CSMD1: variants seen among roughly 807,000 people sequenced by gnomAD.
CSMD1 encodes CUB and Sushi multiple domains 1, also known as CUB and sushi domain-containing protein 1.
Under a neutral mutation model 417.5 loss-of-function variants are expected in CSMD1, and 213 were observed. The ratio of observed to expected loss-of-function variants is 0.51; its 90% CI spans 0.46 to 0.57. The LOEUF is 0.57. Among genes scored for constraint, CSMD1 ranks in the 20% least tolerant of loss-of-function variants. The pLI is 0.00. For missense variants in CSMD1, 6,923 were observed against 4,529.7 expected, an observed-to-expected ratio of 1.53 and a Z score of -15.17; for synonymous variants, 2,862 against 1,736.8, an observed-to-expected ratio of 1.65 and a Z score of -16.11.
chr8:3,487,753 T>C (rs1818140756), intron 11 of CSMD1, among the ~76,000 whole-genome samples: 1 of 152,124 alleles, frequency 6.6e-6, no homozygotes, highest in Admixed American at 6.5e-5. Flanking sequence ...TTTTTAAGAG[T>C]TCCTGGAAGC....
At chr8:4,193,817 G>A (rs1035238154) in intron 3 of CSMD1, among the ~76,000 whole-genome samples, 29 of 152,034 alleles carry the variant, frequency 1.9e-4, no homozygotes, top group Non-Finnish European at 3.2e-4. Flanking sequence ...AGAAGAGCAG[G>A]AAAACAGAAT....
intron 10 of CSMD1, among the ~76,000 whole-genome samples, chr8:3,545,920 G>A (rs987184147): frequency 2.0e-5 from 3 of 152,180 alleles, no homozygotes; most frequent in African/African-American, 7.2e-5. Context: ...GCATAGTGGG[G>A]AATGCTAGGA....
chr8:3,671,120 G>T (rs1469746473), intron 7 of CSMD1, among the ~76,000 whole-genome samples: 1 of 144,772 alleles, frequency 6.9e-6, no homozygotes, highest in Non-Finnish European at 1.5e-5. Flanking sequence ...TATGTATATG[G>T]GATATATATG....
At chr8:3,098,681 G>A (rs1815511440) in intron 46 of CSMD1, among the ~76,000 whole-genome samples, 1 of 152,122 alleles carries the variant, frequency 6.6e-6, no homozygotes, top group African/African-American at 2.4e-5. Flanking sequence ...CCCATTCAAA[G>A]TTAATGTGAT....
intron 9 of CSMD1, among the ~76,000 whole-genome samples, chr8:3,579,450 T>A (rs1330637730): frequency 1.3e-5 from 2 of 152,226 alleles, no homozygotes; most frequent in Non-Finnish European, 2.9e-5. Context: ...TTCTAATTGA[T>A]TAAATTTAAA....
At chr8:4,672,530 T>C (rs932081788) in intron 1 of CSMD1, among the ~76,000 whole-genome samples, 1 of 152,226 alleles carries the variant, frequency 6.6e-6, no homozygotes, top group Non-Finnish European at 1.5e-5. Flanking sequence ...TGGTGAAATA[T>C]GCACCTATAA....
rs574587267 is a variant in CSMD1 at position 3,314,374 on chromosome 8, G to A, written c.3632-5871C>T. Among the ~76,000 whole-genome samples, 5 of 152,144 alleles carry A rather than the reference G, an allele frequency of 3.3e-5. No homozygotes were observed. In the East Asian group the frequency reaches 9.7e-4, roughly 29 times the overall value. On this transcript the variant is annotated intron_variant, in intron 23 of 69. Coordinates refer to ENST00000635120, the MANE Select transcript of CSMD1 (RefSeq NM_033225.6). ...GAGACTTTTGACTGATCAATTTTAAGCCTGCTGAAGAGTAGTAACTTTAAA... is the reference window on the plus strand; with the variant it reads ...GAGACTTTTGACTGATCAATTTTAAACCTGCTGAAGAGTAGTAACTTTAAA...
chr8:4,149,799 G>A (rs1018431474), intron 3 of CSMD1, among the ~76,000 whole-genome samples: 5 of 152,212 alleles, frequency 3.3e-5, no homozygotes, highest in Admixed American at 6.5e-5. Flanking sequence ...AAGGTCACTT[G>A]AGAATTTCCT....
chr8:4,380,775 A>G (rs1303735819), intron 3 of CSMD1, among the ~76,000 whole-genome samples: 2 of 149,708 alleles, frequency 1.3e-5, no homozygotes, highest in Non-Finnish European at 3.0e-5. Context: ...TGCTGAAACA[A>G]AAAGTATATT....
At chr8:4,435,911 G>A (rs926154920) in intron 2 of CSMD1, among the ~76,000 whole-genome samples, 7 of 152,118 alleles carry the variant, frequency 4.6e-5, no homozygotes, top group East Asian at 1.9e-4. Flanking sequence ...TAGATTTGAC[G>A]GAAAATAATT....
chr8:4,693,502 C>G lies in CSMD1; in HGVS notation c.86-55944G>C, dbSNP rs2116775889. 1.3e-5 allele frequency among the ~76,000 whole-genome samples: 2 copies of G among 152,252 alleles called. 1 individual carries two copies. The highest frequency in any genetic ancestry group is 4.1e-4 in the South Asian group (2 of 4,828). ...TGGGGACATTAGTCCTATACTGTTC[C>G]TCTTTTTTCACTTGAGTCTGCTTCT... On this transcript the variant is annotated intron_variant, in intron 1 of 69. Transcript: ENST00000635120.
At chr8:3,085,604 C>T (rs895066232) in intron 49 of CSMD1, among the ~76,000 whole-genome samples, 13 of 152,184 alleles carry the variant, frequency 8.5e-5, no homozygotes, top group Non-Finnish European at 1.8e-4. Flanking sequence ...GCCTCATTTG[C>T]AGTGTGCACT....
chr8:3,871,354 T>C (rs2129112668), intron 5 of CSMD1, among the ~76,000 whole-genome samples: 1 of 152,278 alleles, frequency 6.6e-6, no homozygotes, highest in South Asian at 2.1e-4. Context: ...ACAACTATTA[T>C]GTCTCTTACT....
chr8:3,920,729 G>C (rs1158259293), intron 5 of CSMD1, among the ~76,000 whole-genome samples: 1 of 106,432 alleles, frequency 9.4e-6, no homozygotes, highest in African/African-American at 3.6e-5. Flanking sequence ...CATCTATTGA[G>C]ATGATCCTAT....
At chr8:4,738,903 T>TTGTGTGTGTGTATGTGTG (rs1810418899) in intron 1 of CSMD1, among the ~76,000 whole-genome samples, 1 of 147,396 alleles carries the variant, frequency 6.8e-6, no homozygotes, top group African/African-American at 2.6e-5. Flanking sequence ...TTCTGTGTGT[T>TTGTGTGTGTGTATGTGTG]TGTGTGTGTG....
intron 1 of CSMD1, among the ~76,000 whole-genome samples, chr8:4,895,023 T>C (rs1357176163): frequency 6.6e-6 from 1 of 152,198 alleles, no homozygotes; most frequent in Non-Finnish European, 1.5e-5. Context: ...TCTCTTGACC[T>C]GAGTTTTTTC....
intron 4 of CSMD1, among the ~76,000 whole-genome samples, chr8:4,020,666 G>C (rs1047634303): frequency 3.3e-5 from 5 of 152,206 alleles, no homozygotes; most frequent in East Asian, 1.9e-4. Flanking sequence ...TTCCAGGACA[G>C]ATAACAAAGC....
intron 5 of CSMD1, among the ~76,000 whole-genome samples, chr8:3,789,517 G>C (rs1170861959): frequency 6.7e-6 from 1 of 148,494 alleles, no homozygotes; most frequent in Non-Finnish European, 1.5e-5. Context: ...CTACCATTCA[G>C]GTTTTTATGC....
intron 5 of CSMD1, among the ~76,000 whole-genome samples, chr8:3,888,379 C>G (rs2954632): frequency 0.94 from 143,181 of 152,284 alleles, 67,465 homozygotes; most frequent in African/African-American, 0.98. Flanking sequence ...AAACAAGCTT[C>G]ATAGAGAAGC....
Sources: allele counts gnomAD v4.1 joint callset (sites outside exome capture counted in the v4.1 genomes callset), GRCh38; gene constraint gnomAD v4.1.1; transcripts MANE v1.5; gene names NCBI Gene and HGNC (gene_info 2026-07-23, HGNC 2026-07-21).